Variants in LRRC4C observed in about 807,000 individuals in gnomAD.
LRRC4C encodes the protein leucine-rich repeat-containing protein 4C.
In LRRC4C, 5 loss-of-function variants were observed where a neutral mutation model predicts 33.6. The observed-to-expected ratio is 0.15, with a 90% CI of 0.08 to 0.31. The LOEUF (loss-of-function observed/expected upper bound fraction) is 0.31. Among genes scored for constraint, LRRC4C ranks in the 10% least tolerant of loss-of-function variants. The pLI is 1.00. For synonymous variants in LRRC4C, 329 were observed against 302.0 expected (o/e 1.09, Z -0.93); for missense variants, 560 against 796.7 (o/e 0.70, Z 3.58).
At chr11:40,643,173 C>CAT (rs1942227552) in intron 3 of LRRC4C, among the ~76,000 whole-genome samples, 1 of 152,046 alleles carries the variant, frequency 6.6e-6, no homozygotes, top group African/African-American at 2.4e-5. Flanking sequence ...GCAATAGGTA[C>CAT]ATATATATAC....
intron 2 of LRRC4C, among the ~76,000 whole-genome samples, chr11:40,893,819 AC>A (rs1216925394): frequency 1.8e-3 from 4 of 2,256 alleles, no homozygotes; most frequent in East Asian, 0.024. Flanking sequence ...ACGTATTATA[AC>A]ACACACACAC....
intron 4 of LRRC4C, among the ~76,000 whole-genome samples, chr11:40,242,795 A>G (rs543071151): frequency 1.5e-4 from 22 of 149,102 alleles, no homozygotes; most frequent in Non-Finnish European, 3.0e-4. Context: ...AAAAAAAAAC[A>G]ATTCTGTTAT....
At chr11:41,409,265 A>T (rs559027460) in intron 1 of LRRC4C, among the ~76,000 whole-genome samples, 28 of 152,360 alleles carry the variant, frequency 1.8e-4, no homozygotes, top group South Asian at 6.2e-4. Context: ...TACCAATTAA[A>T]GTATGGCTTA....
At chr11:41,313,889 A>G (rs948796889) in intron 1 of LRRC4C, among the ~76,000 whole-genome samples, 3 of 152,050 alleles carry the variant, frequency 2.0e-5, no homozygotes, top group African/African-American at 7.2e-5. Flanking sequence ...TTGCAATCCC[A>G]TTATTAGCCA....
At position 40,254,724 on chromosome 11, in the gene LRRC4C, CAACA is replaced by C. The variant is rs1867065148; in HGVS notation, c.-175-13130_-175-13127del. On this transcript the variant is annotated intron_variant, in intron 4 of 6. Transcript: ENST00000528697. Reference sequence around the variant, plus strand: ...GACACTGAAGATGTAACAGTAAATACAACAAACAAAATGTCTTGTCTCTTAGCTT... The same window carrying C: ...GACACTGAAGATGTAACAGTAAATACAACAAAATGTCTTGTCTCTTAGCTT... 2.6e-5 allele frequency among the ~76,000 whole-genome samples: 4 copies of C among 152,248 alleles called. No homozygotes were observed. In the South Asian group the frequency reaches 8.3e-4, roughly 32 times the overall value.
chr11:41,010,169 C>T (rs2137514283), intron 1 of LRRC4C, among the ~76,000 whole-genome samples: 1 of 152,230 alleles, frequency 6.6e-6, no homozygotes, highest in Admixed American at 6.5e-5. Context: ...CCTCCAGAAA[C>T]TTGAAATAAC....
At chr11:41,246,439 C>G (rs561181396) in intron 1 of LRRC4C, among the ~76,000 whole-genome samples, 3 of 152,182 alleles carry the variant, frequency 2.0e-5, no homozygotes, top group African/African-American at 4.8e-5. Flanking sequence ...GGTAGGGGGG[C>G]TTCCTTGGCC....
chr11:40,244,935 A>C (rs1866212764), intron 4 of LRRC4C, among the ~76,000 whole-genome samples: 1 of 152,210 alleles, frequency 6.6e-6, no homozygotes, highest in South Asian at 2.1e-4. Context: ...CTGTATAAAT[A>C]GACTTTTTCC....
At chr11:40,364,582 A>G (rs1483135662) in intron 3 of LRRC4C, among the ~76,000 whole-genome samples, 1 of 152,122 alleles carries the variant, frequency 6.6e-6, no homozygotes, top group East Asian at 1.9e-4. Flanking sequence ...TAGCAATGAG[A>G]TGGCTTAAAG....
At chr11:40,699,007 A>G (rs571126326) in intron 2 of LRRC4C, among the ~76,000 whole-genome samples, 1 of 152,176 alleles carries the variant, frequency 6.6e-6, no homozygotes, top group South Asian at 2.1e-4. Context: ...CATATCCAAC[A>G]CAAAAGGCAG....
intron 5 of LRRC4C, among the ~76,000 whole-genome samples, chr11:40,217,537 A>T (rs2135888159): frequency 6.6e-6 from 1 of 152,250 alleles, no homozygotes; most frequent in African/African-American, 2.4e-5. Context: ...TTTCTTTACC[A>T]TGAAAGCATT....
At chr11:40,386,077 T>C (rs1949100507) in intron 3 of LRRC4C, among the ~76,000 whole-genome samples, 2 of 56,920 alleles carry the variant, frequency 3.5e-5, no homozygotes, top group Admixed American at 3.5e-4. Flanking sequence ...TGAAATATAA[T>C]AAATTAAAAA....
chr11:40,318,628 G>A (rs1285811663), intron 4 of LRRC4C, among the ~76,000 whole-genome samples: 2 of 151,938 alleles, frequency 1.3e-5, no homozygotes, highest in Admixed American at 1.3e-4. Context: ...CATGTACACG[G>A]GTTGTTTATT....
chr11:40,639,658 C>T (rs1941990883), intron 3 of LRRC4C, among the ~76,000 whole-genome samples: 7 of 152,170 alleles, frequency 4.6e-5, no homozygotes, highest in Admixed American at 4.6e-4. Flanking sequence ...TGTTTTACTG[C>T]CTTAAAATTT....
intron 2 of LRRC4C, among the ~76,000 whole-genome samples, chr11:40,883,389 GA>G (rs1327324166): frequency 2.6e-5 from 4 of 151,044 alleles, no homozygotes; most frequent in Non-Finnish European, 4.4e-5. Flanking sequence ...GTCATACTGA[GA>G]AAAAAAAGGG....
At chr11:40,817,855 G>T (rs1371617180) in intron 2 of LRRC4C, among the ~76,000 whole-genome samples, 4 of 152,008 alleles carry the variant, frequency 2.6e-5, no homozygotes, top group Non-Finnish European at 4.4e-5. Context: ...TACTTATAAA[G>T]CTTCCTTCTA....
intron 5 of LRRC4C, among the ~76,000 whole-genome samples, chr11:40,193,160 A>C (rs1487566339): frequency 6.6e-6 from 1 of 152,116 alleles, no homozygotes; most frequent in Admixed American, 6.5e-5. Flanking sequence ...CCTGATGGGG[A>C]GACACCTCCC....
intron 1 of LRRC4C, among the ~76,000 whole-genome samples, chr11:41,395,616 A>C (rs891566547): frequency 6.6e-6 from 1 of 152,032 alleles, no homozygotes; most frequent in Non-Finnish European, 1.5e-5. Context: ...ATTAACACCC[A>C]TTTTACAAAG....
chr11:41,302,332 G>A (rs1950310501), intron 1 of LRRC4C, among the ~76,000 whole-genome samples: 1 of 152,270 alleles, frequency 6.6e-6, no homozygotes, highest in Middle Eastern at 3.4e-3. Context: ...ACAAGGGAGG[G>A]GAAGCTACGC....
Sources: allele counts gnomAD v4.1 joint callset (sites outside exome capture counted in the v4.1 genomes callset), GRCh38; gene constraint gnomAD v4.1.1; transcripts MANE v1.5; gene names NCBI Gene and HGNC (gene_info 2026-07-23, HGNC 2026-07-21).